Variants in NHERF1 observed in about 807,000 individuals in gnomAD.
NHERF1 encodes the protein NHERF family PDZ scaffold protein 1.
the NHERF1 span, among the ~76,000 whole-genome samples, chr17:74,757,713 G>C: frequency 1.3e-5 from 2 of 152,122 alleles, no homozygotes; most frequent in East Asian, 3.9e-4. Context: ...AGCAAATATG[G>C]CTCTTACACC....
At chr17:74,767,092 C>G in the NHERF1 span, 1 of 888,650 alleles carries the variant, frequency 1.1e-6, no homozygotes, top group Non-Finnish European at 1.9e-6. Context: ...CCCAGGGTCC[C>G]CAGTTCCAGC....
the NHERF1 span, chr17:74,749,053 G>A: frequency 6.3e-7 from 1 of 1,598,220 alleles, no homozygotes; most frequent in Non-Finnish European, 8.5e-7. The surrounding 1 kb of genome is among the most constrained non-coding windows in gnomAD (Gnocchi z 5.6). Context: ...ACGTGGAGAA[G>A]GAGACCCACC....
chr17:74,763,339 G>C, the NHERF1 span: 10 of 1,603,368 alleles, frequency 6.2e-6, no homozygotes, highest in African/African-American at 4.0e-5. Context: ...GCCTGTGTCC[G>C]TAACGCCTCC....
chr17:74,756,273 C>CTTTTTTTTTTTTTTTTT, the NHERF1 span, among the ~76,000 whole-genome samples: 46 of 71,988 alleles, frequency 6.4e-4, no homozygotes, highest in Admixed American at 1.3e-3. Flanking sequence ...TTCTTTCTTT[C>CTTTTTTTTTTTTTTTTT]TTTTTTTTTT....
At chr17:74,761,258 G>T in the NHERF1 span, among the ~76,000 whole-genome samples, 1 of 152,094 alleles carries the variant, frequency 6.6e-6, no homozygotes, top group African/African-American at 2.4e-5. This position sits in a 1 kb window ranked among gnomAD's most constrained non-coding sequence, Gnocchi z 4.3. Flanking sequence ...CCCCATTCAG[G>T]CTCCTCTGTT....
chr17:74,768,008 G>A, the NHERF1 span: 1 of 774,136 alleles, frequency 1.3e-6, no homozygotes, highest in Non-Finnish European at 2.4e-6. Flanking sequence ...CTCAGGAGGT[G>A]GGAACCAGGG....
At chr17:74,755,776 G>A in the NHERF1 span, among the ~76,000 whole-genome samples, 3 of 152,274 alleles carry the variant, frequency 2.0e-5, no homozygotes, top group Admixed American at 6.5e-5. Context: ...CCGGGCACTC[G>A]AGATGTGCTG....
At chr17:74,763,507 G>A in the NHERF1 span, 1 of 1,597,322 alleles carries the variant, frequency 6.3e-7, no homozygotes, top group Non-Finnish European at 8.5e-7. Flanking sequence ...TCCCATCTCA[G>A]GAGCACCTGA....
chr17:74,752,275 ATT>A, the NHERF1 span, among the ~76,000 whole-genome samples: 3 of 150,650 alleles, frequency 2.0e-5, no homozygotes, highest in Non-Finnish European at 1.5e-5. Flanking sequence ...TCTCTATTAA[ATT>A]TTTTCTTTTT....
At chr17:74,756,927 G>A in the NHERF1 span, among the ~76,000 whole-genome samples, 2 of 152,196 alleles carry the variant, frequency 1.3e-5, no homozygotes, top group Non-Finnish European at 2.9e-5. Flanking sequence ...GTTCTTAATA[G>A]CCCCTTGGGA....
At chr17:74,758,042 G>C in the NHERF1 span, among the ~76,000 whole-genome samples, 5 of 152,206 alleles carry the variant, frequency 3.3e-5, no homozygotes, top group Non-Finnish European at 7.3e-5. The surrounding 1 kb of genome is among the most constrained non-coding windows in gnomAD (Gnocchi z 4.3). Flanking sequence ...CATGGCATCA[G>C]CCAGGGAGGG....
At chr17:74,768,175 C>T in the NHERF1 span, 1 of 1,613,016 alleles carries the variant, frequency 6.2e-7, no homozygotes, top group African/African-American at 1.3e-5. Context: ...CTGGCAGAGG[C>T]AGCCTTGGAG....
the NHERF1 span, among the ~76,000 whole-genome samples, chr17:74,757,269 A>G: frequency 3.3e-5 from 5 of 152,134 alleles, no homozygotes; most frequent in Admixed American, 3.3e-4. Context: ...TTCCCACCCT[A>G]CCAGACTCCA....
chr17:74,754,131 TCCAGCC>T, the NHERF1 span, among the ~76,000 whole-genome samples: 3 of 151,634 alleles, frequency 2.0e-5, no homozygotes, highest in Non-Finnish European at 4.4e-5. Context: ...GCCACTGCAC[TCCAGCC>T]CGAGCAGCAG....
chr17:74,757,156 A>T, the NHERF1 span, among the ~76,000 whole-genome samples: 1 of 152,112 alleles, frequency 6.6e-6, no homozygotes, highest in Non-Finnish European at 1.5e-5. Flanking sequence ...TGGCACAGGG[A>T]GAAGAGGTTA....
the NHERF1 span, chr17:74,762,164 C>T: frequency 6.2e-7 from 1 of 1,614,078 alleles, no homozygotes; most frequent in Non-Finnish European, 8.5e-7. This position sits in a 1 kb window ranked among gnomAD's most constrained non-coding sequence, Gnocchi z 4.2. Flanking sequence ...CCCAGGATCG[C>T]ATTGTGGAGG....
At chr17:74,752,353 C>T in the NHERF1 span, among the ~76,000 whole-genome samples, 4 of 151,948 alleles carry the variant, frequency 2.6e-5, no homozygotes, top group African/African-American at 7.3e-5. Context: ...TCACCACTGC[C>T]TCCCTACCCC....
At chr17:74,755,004 G>A in the NHERF1 span, among the ~76,000 whole-genome samples, 1 of 152,158 alleles carries the variant, frequency 6.6e-6, no homozygotes, top group Non-Finnish European at 1.5e-5. Context: ...GCCATGGCGG[G>A]TCCCAGGACT....
At chr17:74,752,251 A>G in the NHERF1 span, among the ~76,000 whole-genome samples, 214 of 151,752 alleles carry the variant, frequency 1.4e-3, no homozygotes, top group Non-Finnish European at 2.2e-3. Flanking sequence ...CCTAGGCAAC[A>G]TGACAAGACC....
Sources: allele counts gnomAD v4.1 joint callset (sites outside exome capture counted in the v4.1 genomes callset), GRCh38; gene constraint gnomAD v4.1.1; non-coding constraint Gnocchi (gnomAD v3.1); transcripts MANE v1.5; gene names NCBI Gene and HGNC (gene_info 2026-07-23, HGNC 2026-07-21).